Variants in PPARG observed in about 807,000 individuals in gnomAD.
PPARG encodes peroxisome proliferator activated receptor gamma.
A neutral mutation model predicts 39.2 loss-of-function variants in PPARG; 17 were observed. That is an observed-to-expected ratio of 0.43 (90% CI 0.30 to 0.65). The LOEUF (loss-of-function observed/expected upper bound fraction) is 0.65, where lower values mean the gene tolerates loss of function less well. Ranked by LOEUF, PPARG falls within the 30% of genes least tolerant of loss-of-function variation. The pLI, the probability that PPARG is intolerant of heterozygous loss-of-function variation, is 0.13. For missense variants in PPARG, 406 were observed against 585.9 expected (o/e 0.69, Z 3.17); for synonymous variants, 223 against 215.7 (o/e 1.03, Z -0.30).
intron 4 of PPARG, among the ~76,000 whole-genome samples, chr3:12,382,097 A>T (rs1311253326): frequency 1.3e-5 from 2 of 152,134 alleles, no homozygotes; most frequent in Non-Finnish European, 2.9e-5. Context: ...TGCCAAGGTC[A>T]TCCCTTAGTA....
intron 2 of PPARG, among the ~76,000 whole-genome samples, chr3:12,370,896 G>T (rs2049188822): frequency 6.6e-6 from 1 of 152,194 alleles, no homozygotes; most frequent in Non-Finnish European, 1.5e-5. Context: ...TAACCAAGAG[G>T]AGCTGTGGAC....
chr3:12,327,122 C>T (rs764605772), intron 2 of PPARG, among the ~76,000 whole-genome samples: 9 of 151,936 alleles, frequency 5.9e-5, no homozygotes, highest in Non-Finnish European at 1.2e-4. Context: ...ATTTAAAATA[C>T]CAGAGGTAGA....
At chr3:12,376,398 CA>C (rs1277601491) in intron 2 of PPARG, among the ~76,000 whole-genome samples, 4 of 151,424 alleles carry the variant, frequency 2.6e-5, no homozygotes, top group East Asian at 3.9e-4. Flanking sequence ...AAAATTGCTC[CA>C]AAAAAATGAT....
At chr3:12,354,871 C>T (rs1038762306) in intron 2 of PPARG, among the ~76,000 whole-genome samples, 3 of 151,984 alleles carry the variant, frequency 2.0e-5, no homozygotes, top group African/African-American at 4.8e-5. Context: ...ATGAATGAAG[C>T]GGGGCATCCG....
chr3:12,420,002 A>T (rs1387409131), intron 7 of PPARG, among the ~76,000 whole-genome samples: 1 of 152,218 alleles, frequency 6.6e-6, no homozygotes, highest in Non-Finnish European at 1.5e-5. Context: ...TATAAGTGAA[A>T]AGTAAAGGGC....
chr3:12,313,318 A>G (rs2047301752), intron 2 of PPARG, among the ~76,000 whole-genome samples: 2 of 152,182 alleles, frequency 1.3e-5, no homozygotes, highest in Admixed American at 1.3e-4. Context: ...GTCTGCTTCT[A>G]GAGGACCTAG....
Position 12,379,894 on chromosome 3 carries a change from A to G in PPARG, c.183A>G (p.Ala61=), listed in dbSNP as rs2125171640. The part of the protein sequence containing the change: ...IPFTRTDPVV[A]DYKYDLKLQE... ...TCACAAGAACAGATCCAGTGGTTGCAGATTACAAGTATGACCTGAAACTTC... is the reference window on the plus strand; with the variant it reads ...TCACAAGAACAGATCCAGTGGTTGCGGATTACAAGTATGACCTGAAACTTC... Residue 61 remains alanine, a synonymous_variant, in exon 3 of 8, where the codon GCA becomes GCG. Transcript: ENST00000651735. The G allele has an allele frequency of 6.2e-7, 1 of 1,613,286 alleles. No individual in the cohort carries two copies. Among genetic ancestry groups the G allele is most frequent in the Non-Finnish European group, 8.5e-7 (1 of 1,179,244 alleles).
intron 2 of PPARG, among the ~76,000 whole-genome samples, chr3:12,321,971 T>C (rs537802073): frequency 6.6e-6 from 1 of 152,238 alleles, no homozygotes; most frequent in African/African-American, 2.4e-5. Context: ...CTAATTAATC[T>C]TAGTAGTATT....
intron 1 of PPARG, among the ~76,000 whole-genome samples, chr3:12,311,382 C>T (rs1214938120): frequency 1.3e-5 from 2 of 152,096 alleles, no homozygotes; most frequent in Non-Finnish European, 1.5e-5. Flanking sequence ...AAGGTTTTCT[C>T]TCATTTTTCA....
upstream of PPARG, chr3:12,288,038 C>A (rs911375695): frequency 5.3e-5 from 8 of 151,934 alleles, no homozygotes; most frequent in Admixed American, 2.6e-4. Context: ...TACGGGTGCC[C>A]GCGGCGCTCG....
intron 2 of PPARG, among the ~76,000 whole-genome samples, chr3:12,343,637 G>A (rs1012944688): frequency 8.5e-5 from 13 of 152,070 alleles, no homozygotes; most frequent in Non-Finnish European, 1.3e-4. Context: ...CCACCTACTC[G>A]TATATTAGAG....
At chr3:12,380,143 C>T (rs1424927327) in intron 3 of PPARG, among the ~76,000 whole-genome samples, 1 of 151,846 alleles carries the variant, frequency 6.6e-6, no homozygotes, top group Admixed American at 6.6e-5. Flanking sequence ...TTCCCCGCCC[C>T]CTCCTTCCTT....
chr3:12,296,475 C>T (rs1304435205), intron 1 of PPARG, among the ~76,000 whole-genome samples: 1 of 152,016 alleles, frequency 6.6e-6, no homozygotes, highest in Non-Finnish European at 1.5e-5. Flanking sequence ...TTGCACCCCA[C>T]CTGATAGAGT....
intron 7 of PPARG, among the ~76,000 whole-genome samples, chr3:12,431,810 C>T (rs1021432193): frequency 2.0e-5 from 3 of 152,016 alleles, no homozygotes; most frequent in Non-Finnish European, 4.4e-5. Flanking sequence ...TGTGGCGGCT[C>T]ATGCCTATAG....
chr3:12,400,181 A>T (rs553216209), intron 5 of PPARG, among the ~76,000 whole-genome samples: 2 of 152,286 alleles, frequency 1.3e-5, no homozygotes, highest in African/African-American at 4.8e-5. Context: ...GACTTGTCTT[A>T]TTTCATTCTG....
intron 1 of PPARG, among the ~76,000 whole-genome samples, chr3:12,293,104 C>T (rs925741501): frequency 1.6e-4 from 25 of 152,302 alleles, no homozygotes; most frequent in African/African-American, 5.8e-4. Context: ...TTCCAGTGGC[C>T]AGGCTGTTCT....
intron 2 of PPARG, among the ~76,000 whole-genome samples, chr3:12,371,216 C>A (rs910514895): frequency 4.6e-5 from 7 of 152,090 alleles, no homozygotes; most frequent in Non-Finnish European, 1.0e-4. Context: ...TAATATTCTA[C>A]AGATGGAGAT....
intron 7 of PPARG, among the ~76,000 whole-genome samples, chr3:12,421,083 G>A (rs902563755): frequency 6.6e-6 from 1 of 152,184 alleles, no homozygotes; most frequent in Non-Finnish European, 1.5e-5. Flanking sequence ...AAAAGTGAGG[G>A]TCGTAAACTT....
intron 2 of PPARG, among the ~76,000 whole-genome samples, chr3:12,321,846 G>C (rs1358232248): frequency 6.6e-6 from 1 of 152,058 alleles, no homozygotes; most frequent in Non-Finnish European, 1.5e-5. Flanking sequence ...TATACTTCTT[G>C]AGAACAGAGA....
Sources: allele counts gnomAD v4.1 joint callset (sites outside exome capture counted in the v4.1 genomes callset), GRCh38; gene constraint gnomAD v4.1.1; transcripts MANE v1.5; gene names NCBI Gene and HGNC (gene_info 2026-07-23, HGNC 2026-07-21).